The following ATRNL1 variants were observed in gnomAD, a reference collection of about 807,000 sequenced individuals.
The protein encoded by ATRNL1 is attractin-like protein 1.
A neutral mutation model predicts 182.7 loss-of-function variants in ATRNL1; 95 were observed. The ratio of observed to expected loss-of-function variants is 0.52; its 90% CI spans 0.44 to 0.62. ATRNL1 has a LOEUF of 0.62. Among genes scored for constraint, ATRNL1 ranks in the 20% least tolerant of loss-of-function variants. ATRNL1 has a pLI of 0.00. For synonymous variants in ATRNL1, 576 were observed against 568.3 expected, an observed-to-expected ratio of 1.01 and a Z score of -0.19; for missense variants, 1,471 against 1,679.5, an observed-to-expected ratio of 0.88 and a Z score of 2.17.
intron 15 of ATRNL1, among the ~76,000 whole-genome samples, chr10:115,291,573 A>G (rs1022988922): frequency 1.3e-5 from 2 of 151,952 alleles, no homozygotes; most frequent in African/African-American, 4.8e-5. Flanking sequence ...TATCTTGATG[A>G]GATGTTGAAT....
chr10:115,194,888 G>T (rs1287100945), intron 8 of ATRNL1, among the ~76,000 whole-genome samples: 1 of 150,350 alleles, frequency 6.7e-6, no homozygotes, highest in African/African-American at 2.4e-5. Context: ...CATGAGGTTT[G>T]CAAATAAAAT....
chr10:115,135,447 A>G (rs139088060), intron 5 of ATRNL1, among the ~76,000 whole-genome samples: 1,972 of 152,312 alleles, frequency 0.013, 35 homozygotes, highest in African/African-American at 0.042. Flanking sequence ...TGCTTCAAAG[A>G]GAATAAAATA....
intron 24 of ATRNL1, among the ~76,000 whole-genome samples, chr10:115,514,098 G>A (rs559767899): frequency 6.6e-6 from 1 of 152,032 alleles, no homozygotes; most frequent in East Asian, 1.9e-4. Flanking sequence ...AGTATTATCT[G>A]TAGCAGGAGT....
At chr10:115,265,570 A>G (rs1463038804) in intron 11 of ATRNL1, among the ~76,000 whole-genome samples, 1 of 151,684 alleles carries the variant, frequency 6.6e-6, no homozygotes, top group African/African-American at 2.4e-5. Flanking sequence ...CAGATAAGGA[A>G]TGACTCTTCT....
Position 115,422,874 on chromosome 10 carries a change from G to A in ATRNL1, c.3270-3376G>A, listed in dbSNP as rs538494522. ...AGACACCAGAACCTACTGGAGAGGT[G>A]GAGGAAGGGAGGAGGGTAAAGTTAG... is the stretch of plus-strand genomic sequence containing the variant. On this transcript the variant is annotated intron_variant, in intron 20 of 28. Transcript: ENST00000355044. Among the ~76,000 whole-genome samples, 3 of 152,292 alleles carry A rather than the reference G, an allele frequency of 2.0e-5. No individual in the cohort carries two copies. The East Asian group carries it at 5.8e-4, about 29-fold the overall frequency.
chr10:115,443,944 T>G (rs1311560625), intron 21 of ATRNL1, among the ~76,000 whole-genome samples: 4 of 152,092 alleles, frequency 2.6e-5, no homozygotes, highest in African/African-American at 4.8e-5. Context: ...TAAAGTAGAC[T>G]TAATATGTGG....
intron 8 of ATRNL1, among the ~76,000 whole-genome samples, chr10:115,182,092 A>G (rs1486600092): frequency 1.3e-5 from 2 of 151,598 alleles, no homozygotes; most frequent in Admixed American, 6.6e-5. Context: ...ATTTTTTATT[A>G]TGTTTATATG....
At chr10:115,920,557 T>A (rs1411476464) in intron 28 of ATRNL1, among the ~76,000 whole-genome samples, 1 of 152,236 alleles carries the variant, frequency 6.6e-6, no homozygotes, top group Non-Finnish European at 1.5e-5. Flanking sequence ...AGAATCCATC[T>A]AGCCAGATCT....
intron 28 of ATRNL1, among the ~76,000 whole-genome samples, chr10:115,904,397 G>C (rs1413587898): frequency 6.6e-6 from 1 of 152,170 alleles, no homozygotes; most frequent in East Asian, 1.9e-4. Flanking sequence ...CAGTGTGGCT[G>C]TTGCCCTCAG....
At chr10:115,827,523 G>C (rs1285667534) in intron 27 of ATRNL1, among the ~76,000 whole-genome samples, 2 of 152,108 alleles carry the variant, frequency 1.3e-5, no homozygotes, top group Admixed American at 6.5e-5. Flanking sequence ...GCAGGATATT[G>C]GTCGATTTTA....
chr10:115,916,075 G>A (rs1555117139), intron 28 of ATRNL1, among the ~76,000 whole-genome samples: 1 of 152,182 alleles, frequency 6.6e-6, no homozygotes, highest in Non-Finnish European at 1.5e-5. Flanking sequence ...TAGTTTTAAA[G>A]TATTTGCAGG....
At chr10:115,534,871 A>C (rs1554989709) in intron 25 of ATRNL1, among the ~76,000 whole-genome samples, 4 of 151,860 alleles carry the variant, frequency 2.6e-5, no homozygotes, top group Non-Finnish European at 5.9e-5. Flanking sequence ...TATGAAGCTT[A>C]GTTTGGCTGG....
intron 13 of ATRNL1, among the ~76,000 whole-genome samples, chr10:115,280,231 T>C (rs1268651915): frequency 6.6e-6 from 1 of 152,154 alleles, no homozygotes; most frequent in Non-Finnish European, 1.5e-5. Flanking sequence ...TCTTAGAACA[T>C]CAGAGAAATT....
At chr10:115,539,182 T>C (rs1029741844) in intron 25 of ATRNL1, among the ~76,000 whole-genome samples, 2 of 152,250 alleles carry the variant, frequency 1.3e-5, no homozygotes, top group Non-Finnish European at 2.9e-5. Flanking sequence ...CCATTTCAGT[T>C]ATTTTTTGTT....
chr10:115,873,473 A>C (rs941787935), intron 28 of ATRNL1, among the ~76,000 whole-genome samples: 1 of 152,248 alleles, frequency 6.6e-6, no homozygotes, highest in Non-Finnish European at 1.5e-5. Flanking sequence ...GTCAACGCAC[A>C]AAATACTTGC....
intron 26 of ATRNL1, among the ~76,000 whole-genome samples, chr10:115,549,961 C>T (rs1554995117): frequency 1.3e-5 from 2 of 151,576 alleles, no homozygotes; most frequent in East Asian, 1.9e-4. Context: ...TTATAACATT[C>T]TTTTTTTGGG....
intron 26 of ATRNL1, among the ~76,000 whole-genome samples, chr10:115,677,448 A>C (rs1945899849): frequency 6.6e-6 from 1 of 152,018 alleles, no homozygotes; most frequent in Non-Finnish European, 1.5e-5. Flanking sequence ...TCTCTCCCAG[A>C]ATTCCCACGT....
intron 25 of ATRNL1, among the ~76,000 whole-genome samples, chr10:115,521,103 G>A (rs6585337): frequency 0.7 from 106,675 of 152,040 alleles, 38,546 homozygotes; most frequent in African/African-American, 0.79. Context: ...AGAAATTACA[G>A]TTGAACAAGC....
At chr10:115,167,391 G>T (rs1554884641) in intron 7 of ATRNL1, among the ~76,000 whole-genome samples, 1 of 151,974 alleles carries the variant, frequency 6.6e-6, no homozygotes, top group Non-Finnish European at 1.5e-5. Flanking sequence ...AGGGTCCCTT[G>T]AAAGTCTATA....
Sources: allele counts gnomAD v4.1 joint callset (sites outside exome capture counted in the v4.1 genomes callset), GRCh38; gene constraint gnomAD v4.1.1; transcripts MANE v1.5; gene names NCBI Gene and HGNC (gene_info 2026-07-23, HGNC 2026-07-21).